ACSS3: variants seen among roughly 807,000 people sequenced by gnomAD.
ACSS3 encodes the protein acyl-CoA synthetase short-chain family member 3, mitochondrial.
In ACSS3, 64 loss-of-function variants were observed where a neutral mutation model predicts 84.2. That is an observed-to-expected ratio of 0.76 (90% CI 0.62 to 0.94). ACSS3 has a LOEUF of 0.94. Among genes scored for constraint, ACSS3 ranks in the 40% least tolerant of loss-of-function variants. The pLI, the probability that ACSS3 is intolerant of heterozygous loss-of-function variation, is 0.00. For synonymous variants in ACSS3, 317 were observed against 310.1 expected, an observed-to-expected ratio of 1.02 and a Z score of -0.23; for missense variants, 815 against 867.6, an observed-to-expected ratio of 0.94 and a Z score of 0.76.
chr12:81,163,832 GA>G (rs1409799518), intron 7 of ACSS3, among the ~76,000 whole-genome samples: 3 of 152,104 alleles, frequency 2.0e-5, no homozygotes, highest in African/African-American at 7.2e-5. Context: ...TGTAAACAAA[GA>G]AAATAATTTT....
At chr12:81,147,899 G>GTA (rs766310877) in intron 5 of ACSS3, among the ~76,000 whole-genome samples, 23 of 150,252 alleles carry the variant, frequency 1.5e-4, no homozygotes, top group Non-Finnish European at 2.1e-4. Context: ...ACGCACACAT[G>GTA]TATATATATA....
chr12:81,105,383 C>T (rs1368247644), intron 1 of ACSS3, among the ~76,000 whole-genome samples: 1 of 151,968 alleles, frequency 6.6e-6, no homozygotes, highest in Non-Finnish European at 1.5e-5. Flanking sequence ...CAGCAGAATG[C>T]AGATGACAGA....
intron 7 of ACSS3, 181 bp from the exon 8 acceptor site, chr12:81,174,607 C>A: frequency 1.8e-6 from 1 of 541,606 alleles, no homozygotes; most frequent in Non-Finnish European, 3.0e-6. Flanking sequence ...AGCAAACAGT[C>A]TCTGTTATGC....
intron 4 of ACSS3, among the ~76,000 whole-genome samples, chr12:81,139,616 A>G (rs1885979368): frequency 1.3e-5 from 1 of 77,184 alleles, no homozygotes; most frequent in Non-Finnish European, 3.5e-5. Flanking sequence ...ATATATATAT[A>G]TAAAATAATA....
At chr12:81,199,042 C>A (rs2031978707) in intron 8 of ACSS3, among the ~76,000 whole-genome samples, 1 of 152,130 alleles carries the variant, frequency 6.6e-6, no homozygotes, top group East Asian at 1.9e-4. Flanking sequence ...TATCTTTGAT[C>A]ATTAGATGAA....
intron 1 of ACSS3, among the ~76,000 whole-genome samples, chr12:81,079,168 A>T (rs1415858632): frequency 2.0e-5 from 3 of 152,324 alleles, no homozygotes; most frequent in African/African-American, 7.2e-5. Flanking sequence ...TCATGGTAGG[A>T]GTAAAGTCTT....
In ACSS3 at chr12:81,143,248, G is replaced by C. The variant is rs1398570553; in HGVS notation, c.921+1G>C. 6.3e-7 allele frequency: 1 copy of C among 1,585,632 alleles called. No individual in the cohort carries two copies. On this transcript the variant is annotated splice_donor_variant, in intron 5 of 15. Coordinates refer to ENST00000548058, the MANE Select transcript of ACSS3 (RefSeq NM_024560.4). LOFTEE classifies it high-confidence loss of function. ...ATCTGGCACAACGGGGTTACCTAAG[G>C]TACTCACTCTCTTAGAGATAACTAT...
intron 9 of ACSS3, among the ~76,000 whole-genome samples, chr12:81,203,894 C>A (rs2032223760): frequency 6.6e-6 from 1 of 151,844 alleles, no homozygotes; most frequent in African/African-American, 2.4e-5. Flanking sequence ...ATTTTTTACC[C>A]AGAGATAGAG....
intron 9 of ACSS3, chr12:81,199,918 T>A (rs1348964058): frequency 3.6e-6 from 1 of 279,802 alleles, no homozygotes; most frequent in Non-Finnish European, 7.1e-6. Flanking sequence ...GTTCCTCTCA[T>A]AGGACTCTCT....
intron 8 of ACSS3, among the ~76,000 whole-genome samples, chr12:81,196,586 T>C (rs533783102): frequency 2.0e-4 from 30 of 152,212 alleles, no homozygotes; most frequent in African/African-American, 6.7e-4. Context: ...TATTAGCCCA[T>C]TTTGCATTGT....
chr12:81,200,474 G>C (rs2032048920), intron 9 of ACSS3, among the ~76,000 whole-genome samples: 1 of 152,170 alleles, frequency 6.6e-6, no homozygotes, highest in African/African-American at 2.4e-5. Context: ...TTGTAAAAAT[G>C]ATTTTCATGT....
At chr12:81,126,760 C>T (rs1885124327) in intron 2 of ACSS3, among the ~76,000 whole-genome samples, 1 of 152,064 alleles carries the variant, frequency 6.6e-6, no homozygotes. Flanking sequence ...TTATCTATTT[C>T]ACTTTGCTTG....
chr12:81,194,446 A>C (rs575100205), intron 8 of ACSS3, among the ~76,000 whole-genome samples: 1 of 152,064 alleles, frequency 6.6e-6, no homozygotes, highest in Non-Finnish European at 1.5e-5. Context: ...TAGCATATTT[A>C]GGGAAAGAAG....
At chr12:81,145,170 C>G (rs1355369011) in intron 5 of ACSS3, among the ~76,000 whole-genome samples, 1 of 150,918 alleles carries the variant, frequency 6.6e-6, no homozygotes, top group African/African-American at 2.4e-5. Context: ...CCCGCCTCGG[C>G]CTCCCAAAGT....
chr12:81,162,423 C>T (rs938929278), intron 7 of ACSS3, among the ~76,000 whole-genome samples: 3 of 152,294 alleles, frequency 2.0e-5, no homozygotes, highest in Admixed American at 6.5e-5. Flanking sequence ...TATCTGCAGG[C>T]AAGCTGTCCC....
chr12:81,231,397 C>T (rs914826764), intron 12 of ACSS3, among the ~76,000 whole-genome samples: 4 of 151,756 alleles, frequency 2.6e-5, no homozygotes, highest in Non-Finnish European at 5.9e-5. Context: ...TAATAGTCTT[C>T]AGTATCAGGA....
In ACSS3 at chr12:81,078,131, C is replaced by G. The variant is rs1199684581; in HGVS notation, c.11C>G (p.Ser4Cys). MKP[S>C]WLQCRKVTSA... ...GGGTGGCCGGAGGAGATGAAACCGT[C>G]TTGGCTGCAGTGTCGTAAAGTCACC... Residue 4 changes from serine to cysteine, a missense_variant, in exon 1 of 16, where the codon TCT (serine) becomes TGT (cysteine). Coordinates refer to ENST00000548058, the MANE Select transcript of ACSS3 (RefSeq NM_024560.4). 1 of 1,486,204 alleles carries G rather than the reference C, an allele frequency of 6.7e-7. No individual in the cohort carries two copies. The highest frequency in any genetic ancestry group is 1.4e-5 in the African/African-American group (1 of 70,302). 92.1% of individuals were successfully genotyped at this position (1,486,204 alleles called of 1,614,324 possible). A position where few individuals can be genotyped will look rare whatever the true frequency, so the allele number is the denominator to read the frequency against.
At chr12:81,165,045 C>T (rs12582214) in intron 7 of ACSS3, among the ~76,000 whole-genome samples, 3,791 of 152,204 alleles carry the variant, frequency 0.025, 148 homozygotes, top group East Asian at 0.18. Context: ...TACTCTGATT[C>T]AGGCTATATA....
At chr12:81,077,900 G>C, upstream of ACSS3, 1 of 492,352 alleles carries the variant, frequency 2.0e-6, no homozygotes, top group South Asian at 4.0e-5. Context: ...CTGCTGCAAC[G>C]GCGCTGTGAC....
Sources: allele counts gnomAD v4.1 joint callset (sites outside exome capture counted in the v4.1 genomes callset), GRCh38; gene constraint gnomAD v4.1.1; transcripts MANE v1.5; gene names NCBI Gene and HGNC (gene_info 2026-07-23, HGNC 2026-07-21).